Variants in ITGA11 observed in about 807,000 individuals in gnomAD.
ITGA11 encodes integrin subunit alpha 11.
ITGA11 carries 97 observed loss-of-function variants against 141.9 expected under a neutral mutation model. The ratio of observed to expected loss-of-function variants is 0.68; its 90% CI spans 0.58 to 0.81. The LOEUF is 0.81. Ranked by LOEUF, ITGA11 falls within the 30% of genes least tolerant of loss-of-function variation. The pLI is 0.00. For synonymous variants in ITGA11, 658 were observed against 624.6 expected (o/e 1.05, Z -0.80); for missense variants, 1,387 against 1,559.2 (o/e 0.89, Z 1.86).
chr15:68,374,265 T>C (rs1895671286), intron 2 of ITGA11, among the ~76,000 whole-genome samples: 1 of 152,242 alleles, frequency 6.6e-6, no homozygotes, highest in Non-Finnish European at 1.5e-5. Context: ...TCCCCTGGCC[T>C]AGCCTTGTGG....
intron 1 of ITGA11, among the ~76,000 whole-genome samples, chr15:68,407,654 A>G (rs1169935946): frequency 6.6e-6 from 1 of 152,172 alleles, no homozygotes. Flanking sequence ...GGGGAAAAAA[A>G]CCACAATTCC....
intron 1 of ITGA11, among the ~76,000 whole-genome samples, chr15:68,409,601 T>C (rs1194987737): frequency 1.3e-5 from 2 of 151,520 alleles, no homozygotes; most frequent in Non-Finnish European, 3.0e-5. Flanking sequence ...TGATAGGTAG[T>C]ACTGATACTC....
rs2140309982 is a variant in ITGA11 at position 68,335,944 on chromosome 15, G to A, written c.1277-99C>T. ...TGGCAGTGCCAGAGGATGGGCCAGT[G>A]ATGGGGTAGGTTCAGGGCTAGCTGA... On this transcript the variant is annotated intron_variant, in intron 11 of 29. Coordinates refer to ENST00000315757, the MANE Select transcript of ITGA11 (RefSeq NM_001004439.2). This position sits in a 1 kb window ranked among gnomAD's most constrained non-coding sequence, Gnocchi z 4.9. The A allele has an allele frequency of 9.4e-6, 13 of 1,377,638 alleles. No homozygotes were observed. In the South Asian group the frequency reaches 1.6e-4, roughly 17 times the overall value. The allele number at this position is 1,377,638 out of a possible 1,614,324, so 85.3% of individuals were successfully genotyped here. A position where few individuals can be genotyped will look rare whatever the true frequency, so the allele number is the denominator to read the frequency against.
chr15:68,331,747 T>C (rs1894164412), intron 14 of ITGA11, 112 bp downstream of exon 14: 1 of 941,452 alleles, frequency 1.1e-6, no homozygotes, highest in Non-Finnish European at 1.6e-6. Context: ...CATCCGTTTC[T>C]GTGAGAGGGC....
At chr15:68,367,138 G>T (rs1451466557) in intron 3 of ITGA11, among the ~76,000 whole-genome samples, 1 of 152,110 alleles carries the variant, frequency 6.6e-6, no homozygotes, top group East Asian at 1.9e-4. Context: ...GCTACCCACT[G>T]CCTCCTAGGC....
rs376365145 is a variant in ITGA11 at position 68,402,968 on chromosome 15, G to A, written c.114C>T (p.Thr38=). ...GCTGCACTGTGTAGCCAAAGAAGGC[G>A]GTCCTGGAGCCAGGGATGACCCGGG... The part of the protein sequence containing the change: ...RKPRVIPGSR[T]AFFGYTVQQH... Residue 38 remains threonine (T), a synonymous_variant, in exon 2 of 30, where the codon ACC becomes ACT. Coordinates refer to ENST00000315757, the MANE Select transcript of ITGA11 (RefSeq NM_001004439.2). The A allele has an allele frequency of 1.9e-5, 30 of 1,613,802 alleles. No homozygotes were observed. The highest frequency in any genetic ancestry group is 1.7e-4 in the Middle Eastern group (1 of 6,058).
intron 3 of ITGA11, chr15:68,365,072 A>G: frequency 1.1e-6 from 1 of 915,756 alleles, no homozygotes. Context: ...CCTAGCCCAC[A>G]GCTTTTCCTC....
intron 2 of ITGA11, among the ~76,000 whole-genome samples, chr15:68,389,741 C>T (rs1386706997): frequency 6.6e-6 from 1 of 152,170 alleles, no homozygotes; most frequent in Non-Finnish European, 1.5e-5. Context: ...TGCTCCCTGG[C>T]GCCCTCATGG....
chr15:68,412,939 G>A (rs1896809139), intron 1 of ITGA11, among the ~76,000 whole-genome samples: 1 of 152,074 alleles, frequency 6.6e-6, no homozygotes, highest in South Asian at 2.1e-4. Context: ...GCCTCCCAAA[G>A]TGCTGGGATT....
intron 1 of ITGA11, among the ~76,000 whole-genome samples, chr15:68,417,203 A>G (rs926949160): frequency 4.6e-5 from 7 of 152,142 alleles, no homozygotes; most frequent in African/African-American, 1.4e-4. Flanking sequence ...GATGTCTCAT[A>G]ACATCTCACA....
At chr15:68,310,411 A>G (rs946660004) in intron 26 of ITGA11, among the ~76,000 whole-genome samples, 5 of 152,172 alleles carry the variant, frequency 3.3e-5, no homozygotes, top group African/African-American at 1.2e-4. Context: ...AAACTAAAAC[A>G]GGGAAGATTG....
At chr15:68,409,942 C>T (rs1008906597) in intron 1 of ITGA11, among the ~76,000 whole-genome samples, 3 of 152,206 alleles carry the variant, frequency 2.0e-5, no homozygotes, top group South Asian at 2.1e-4. Flanking sequence ...CACCGACCGT[C>T]GTCAGTCACT....
intron 1 of ITGA11, among the ~76,000 whole-genome samples, chr15:68,426,819 A>C (rs943771944): frequency 1.3e-5 from 2 of 152,034 alleles, no homozygotes; most frequent in African/African-American, 4.8e-5. Flanking sequence ...GTTCAAGACC[A>C]GCCTGGTCAA....
chr15:68,342,929 T>C (rs916907844), intron 10 of ITGA11, among the ~76,000 whole-genome samples: 2 of 152,110 alleles, frequency 1.3e-5, no homozygotes, highest in Non-Finnish European at 2.9e-5. Context: ...GAAGGAGTTC[T>C]GGAGTCAGAG....
intron 15 of ITGA11, among the ~76,000 whole-genome samples, chr15:68,330,487 T>TG (rs35904581): frequency 1.3e-5 from 1 of 77,090 alleles, no homozygotes; most frequent in East Asian, 1.2e-3. Flanking sequence ...ACTCAAGGTC[T>TG]TTTTTTTTTT....
intron 1 of ITGA11, among the ~76,000 whole-genome samples, chr15:68,423,716 G>A (rs1897073714): frequency 6.6e-6 from 1 of 152,160 alleles, no homozygotes; most frequent in South Asian, 2.1e-4. Context: ...ATGAATGGGG[G>A]CAAGAGGGAC....
rs1270710944 is a variant in ITGA11, at chr15:68,303,037, A to G, written c.*22T>C. 1 of 1,542,392 alleles carries G rather than the reference A, an allele frequency of 6.5e-7. No homozygotes were observed. The highest frequency in any genetic ancestry group is 1.4e-5 in the African/African-American group (1 of 72,752). On this transcript the variant is annotated 3_prime_UTR_variant, in exon 30 of 30. Coordinates refer to ENST00000315757, the MANE Select transcript of ITGA11 (RefSeq NM_001004439.2). This position sits in a 1 kb window ranked among gnomAD's most constrained non-coding sequence, Gnocchi z 5.3. The stretch of plus-strand genomic sequence containing the variant: ...TGGACTGGTGTCCTGGCCCCCATCA[A>G]CTCAAAGTCTCCTCTGGAGCCTCAC...
intron 2 of ITGA11, among the ~76,000 whole-genome samples, chr15:68,397,739 ATATTTAAAATATTATATTTAAAATAT>A: frequency 9.3e-6 from 1 of 107,540 alleles, no homozygotes; most frequent in Admixed American, 1.1e-4. Context: ...TTAAAATATT[ATATTTAAAATATTATATTTAAAATAT>A]TATATTTAAA....
chr15:68,339,734 C>T (rs953018451), intron 10 of ITGA11, 90 bp from the exon 11 acceptor site: 3 of 1,471,678 alleles, frequency 2.0e-6, no homozygotes, highest in African/African-American at 2.8e-5. Context: ...GTGACGCCTC[C>T]ACCAGCCACC....
Sources: allele counts gnomAD v4.1 joint callset (sites outside exome capture counted in the v4.1 genomes callset), GRCh38; gene constraint gnomAD v4.1.1; non-coding constraint Gnocchi (gnomAD v3.1); transcripts MANE v1.5; gene names NCBI Gene and HGNC (gene_info 2026-07-23, HGNC 2026-07-21).